Variants in KCNMA1 observed in about 807,000 individuals in gnomAD.
KCNMA1 encodes potassium calcium-activated channel subfamily M alpha 1.
In KCNMA1, 29 loss-of-function variants were observed where a neutral mutation model predicts 140.0. That is an observed-to-expected ratio of 0.21 (90% CI 0.15 to 0.28). The LOEUF (loss-of-function observed/expected upper bound fraction) is 0.28, where lower values mean the gene tolerates loss of function less well. Ranked by LOEUF, KCNMA1 falls within the 10% of genes least tolerant of loss-of-function variation. The pLI is 1.00. For missense variants in KCNMA1, 880 were observed against 1,602.2 expected (o/e 0.55, Z 7.70); for synonymous variants, 612 against 611.9 (o/e 1.00, Z 0.00).
Position 77,052,919 on chromosome 10 carries a change from G to A in KCNMA1, c.1750-13282C>T, listed in dbSNP as rs75295926. 1.7e-3 allele frequency among the ~76,000 whole-genome samples: 257 copies of A among 152,270 alleles called. 1 individual carries two copies. The highest frequency in any genetic ancestry group is 5.8e-3 in the African/African-American group (243 of 41,570). On this transcript the variant is annotated intron_variant, in intron 14 of 27. Coordinates refer to ENST00000286628, the MANE Select transcript of KCNMA1 (RefSeq NM_001161352.2). ...ACTCATCCCTCCTAGCCGAAAAACCGTATCAAAGTATTCCCCCAAATACCT... is the reference window on the plus strand; with the variant it reads ...ACTCATCCCTCCTAGCCGAAAAACCATATCAAAGTATTCCCCCAAATACCT...
At chr10:77,101,541 T>C (rs1206912609) in intron 9 of KCNMA1, among the ~76,000 whole-genome samples, 1 of 152,196 alleles carries the variant, frequency 6.6e-6, no homozygotes, top group East Asian at 1.9e-4. Flanking sequence ...TGGTGATATG[T>C]TGATGATTTG....
intron 1 of KCNMA1, among the ~76,000 whole-genome samples, chr10:77,411,273 T>C (rs550044176): frequency 6.6e-6 from 1 of 152,048 alleles, no homozygotes; most frequent in South Asian, 2.1e-4. Flanking sequence ...ACCTGACAAA[T>C]CTTGGTGGGT....
intron 2 of KCNMA1, among the ~76,000 whole-genome samples, chr10:77,290,440 G>C (rs930100920): frequency 2.6e-5 from 4 of 152,188 alleles, no homozygotes; most frequent in African/African-American, 9.7e-5. Context: ...AGGGACTGAA[G>C]GCCTGGGGTC....
intron 2 of KCNMA1, among the ~76,000 whole-genome samples, chr10:77,351,474 G>GCT (rs2092875234): frequency 6.6e-6 from 1 of 152,194 alleles, no homozygotes; most frequent in South Asian, 2.1e-4. Flanking sequence ...TCTGAGTGTG[G>GCT]CTGGATAAGC....
At chr10:77,391,710 T>C (rs2095833001) in intron 2 of KCNMA1, among the ~76,000 whole-genome samples, 1 of 152,014 alleles carries the variant, frequency 6.6e-6, no homozygotes, top group Admixed American at 6.5e-5. Flanking sequence ...GTGCACCAAA[T>C]TGGGCTGTTT....
chr10:77,504,229 T>C (rs2044968558), intron 1 of KCNMA1, among the ~76,000 whole-genome samples: 1 of 152,178 alleles, frequency 6.6e-6, no homozygotes, highest in Non-Finnish European at 1.5e-5. Flanking sequence ...CCCATATGGC[T>C]TTATCTCTTC....
chr10:76,908,841 A>C (rs1209945712), intron 25 of KCNMA1, among the ~76,000 whole-genome samples: 4 of 152,374 alleles, frequency 2.6e-5, no homozygotes, highest in Non-Finnish European at 4.4e-5. Flanking sequence ...TACATAATAA[A>C]TAAAGATGCT....
intron 18 of KCNMA1, among the ~76,000 whole-genome samples, chr10:77,007,653 G>GTGTATATATATATATATATATATATATA: frequency 1.1e-5 from 1 of 88,480 alleles, no homozygotes; most frequent in African/African-American, 4.5e-5. Context: ...TTGTGTGTGT[G>GTGTATATATATATATATATATATATATA]TATATATATA....
intron 3 of KCNMA1, among the ~76,000 whole-genome samples, chr10:77,198,135 G>A (rs1177795963): frequency 6.6e-6 from 1 of 152,094 alleles, no homozygotes; most frequent in Non-Finnish European, 1.5e-5. Context: ...GAAAATTCAG[G>A]AGAAACAAGG....
chr10:77,273,838 G>A (rs1240077325), intron 2 of KCNMA1, among the ~76,000 whole-genome samples: 1 of 152,052 alleles, frequency 6.6e-6, no homozygotes. Flanking sequence ...CCAGCACAGG[G>A]GCTATCACAG....
intron 19 of KCNMA1, chr10:76,995,794 C>A: frequency 2.4e-6 from 1 of 418,004 alleles, no homozygotes; most frequent in African/African-American, 2.1e-5. Context: ...ATGCCAACAT[C>A]TTTTCTAGTT....
At chr10:77,056,347 T>A (rs1041472054) in intron 14 of KCNMA1, among the ~76,000 whole-genome samples, 1 of 152,026 alleles carries the variant, frequency 6.6e-6, no homozygotes, top group African/African-American at 2.4e-5. Context: ...ACCACTGCAC[T>A]CCAGCTTGGG....
intron 23 of KCNMA1, among the ~76,000 whole-genome samples, chr10:76,942,154 A>G (rs1000412060): frequency 8.6e-5 from 13 of 151,868 alleles, no homozygotes; most frequent in Admixed American, 7.2e-4. Context: ...TTGTATTTTT[A>G]GTAGAGATTG....
intron 3 of KCNMA1, among the ~76,000 whole-genome samples, chr10:77,192,314 T>G (rs1490233844): frequency 6.6e-6 from 1 of 152,204 alleles, no homozygotes; most frequent in African/African-American, 2.4e-5. Context: ...GTTATGAAGT[T>G]CTTTTAAATT....
At chr10:77,560,739 G>C (rs1205197861) in intron 1 of KCNMA1, among the ~76,000 whole-genome samples, 1 of 152,228 alleles carries the variant, frequency 6.6e-6, no homozygotes, top group African/African-American at 2.4e-5. Flanking sequence ...CCTGAGAAGA[G>C]ATGCCAGCCA....
rs760717409 is a variant in KCNMA1, at chr10:77,289,772, C to T, written c.541-38516G>A. On this transcript the variant is annotated intron_variant, in intron 2 of 27. Coordinates refer to ENST00000286628, the MANE Select transcript of KCNMA1 (RefSeq NM_001161352.2). Reference sequence around the variant, plus strand: ...TTCAAAATAGTACATCAAAAATTTCCTTCATGATGAAATAGATGGCCTACT... The same window carrying T: ...TTCAAAATAGTACATCAAAAATTTCTTTCATGATGAAATAGATGGCCTACT... 2.6e-4 allele frequency among the ~76,000 whole-genome samples: 40 copies of T among 152,198 alleles called. 1 individual carries two copies. Among genetic ancestry groups the T allele is most frequent in the Admixed American group, 1.5e-3 (23 of 15,288 alleles).
intron 1 of KCNMA1, among the ~76,000 whole-genome samples, chr10:77,464,043 G>T (rs2097930193): frequency 6.6e-6 from 1 of 152,138 alleles, no homozygotes; most frequent in Non-Finnish European, 1.5e-5. Context: ...AATATACATT[G>T]CCACAAGATC....
At chr10:77,482,826 G>A (rs535813342) in intron 1 of KCNMA1, among the ~76,000 whole-genome samples, 4 of 151,880 alleles carry the variant, frequency 2.6e-5, no homozygotes, top group Non-Finnish European at 5.9e-5. Context: ...ACCCCAAAAT[G>A]CCCAAATGTC....
chr10:76,926,381 T>C (rs1203558192), intron 23 of KCNMA1, among the ~76,000 whole-genome samples: 1 of 152,186 alleles, frequency 6.6e-6, no homozygotes, highest in Non-Finnish European at 1.5e-5. Flanking sequence ...GAAGATGTCA[T>C]GAAGATTGAA....
Sources: gnomAD v4.1 joint callset for allele counts (sites outside exome capture counted in the v4.1 genomes callset) on GRCh38, gnomAD v4.1.1 for gene constraint, MANE v1.5 for transcripts, NCBI Gene and HGNC (gene_info 2026-07-23, HGNC 2026-07-21) for gene names.